Variants in ASB5 observed in about 807,000 individuals in gnomAD.
ASB5 encodes the protein ankyrin repeat and SOCS box containing 5.
A neutral mutation model predicts 42.1 loss-of-function variants in ASB5; 45 were observed. That is an observed-to-expected ratio of 1.07 (90% CI 0.84 to 1.37). The LOEUF is 1.37. ASB5 is among the 40% of genes most tolerant of loss of function. The probability of loss-of-function intolerance (pLI) is 0.00; values close to 1 mark genes in which losing one functional copy is unlikely to be tolerated. For missense variants in ASB5, 402 were observed against 399.8 expected (o/e 1.01, Z -0.05); for synonymous variants, 147 against 150.6 (o/e 0.98, Z 0.18).
rs755366135 is a variant in ASB5 at position 176,216,389 on chromosome 4, T to C, written c.862+429A>G. On this transcript the variant is annotated intron_variant, in intron 6 of 6. Transcript: ENST00000296525. ...TTTTTTTAGATGGAGTCTCACTCTG[T>C]TGCCAGGTTGGAGTGCAGTGGCGTA... Among the ~76,000 whole-genome samples, 42 of 152,302 alleles carry C rather than the reference T, an allele frequency of 2.8e-4. 2 individuals are homozygous for C. In the Middle Eastern group the frequency reaches 0.01, roughly 37 times the overall value.
In ASB5 at chr4:176,267,141, T is replaced by A. The variant is rs79378539; in HGVS notation, c.196+1772A>T. Among the ~76,000 whole-genome samples the A allele has an allele frequency of 0.025, 3,852 of 152,320 alleles. 269 individuals carry two copies. The East Asian group carries it at 0.28, about 11-fold the overall frequency. The stretch of plus-strand genomic sequence containing the variant: ...GACAAGATCTGATTATGAAGTAATG[T>A]GCTACAGGCCGCCCATGAGGGTAAA... On this transcript the variant is annotated intron_variant, in intron 1 of 6. Coordinates refer to ENST00000296525, the MANE Select transcript of ASB5 (RefSeq NM_080874.4).
In ASB5 at chr4:176,269,149, G is replaced by C. The variant is rs1754423182; in HGVS notation, c.-41C>G. On this transcript the variant is annotated 5_prime_UTR_variant, in exon 1 of 7. Transcript: ENST00000296525. Reference sequence around the variant, plus strand: ...TGCGGCGGTCTTTAGTTGGATCCAAGTCTCAAATGTGCCTGGCTCTCGTCC... The same window carrying C: ...TGCGGCGGTCTTTAGTTGGATCCAACTCTCAAATGTGCCTGGCTCTCGTCC... The C allele has an allele frequency of 6.4e-7, 1 of 1,571,650 alleles. No homozygotes were observed. The highest frequency in any genetic ancestry group is 2.3e-5 in the East Asian group (1 of 43,896).
At chr4:176,218,778 G>A (rs1424211873) in intron 5 of ASB5, among the ~76,000 whole-genome samples, 1 of 34,082 alleles carries the variant, frequency 2.9e-5, no homozygotes, top group Non-Finnish European at 5.3e-5. Context: ...ATATATATTT[G>A]TATGATATAT....
At chr4:176,245,550 T>C (rs1753894802) in intron 1 of ASB5, among the ~76,000 whole-genome samples, 1 of 152,198 alleles carries the variant, frequency 6.6e-6, no homozygotes, top group African/African-American at 2.4e-5. Context: ...TTACTGGGTA[T>C]ATACCCAAAG....
intron 1 of ASB5, chr4:176,241,357 G>GA (rs145396523): frequency 5.0e-5 from 45 of 900,088 alleles, no homozygotes; most frequent in South Asian, 9.9e-5. Flanking sequence ...CCCATCCTTA[G>GA]AAAAAAAATG....
intron 1 of ASB5, 35 bp downstream of exon 1, chr4:176,268,878 C>A: frequency 1.4e-6 from 2 of 1,471,888 alleles, no homozygotes; most frequent in South Asian, 1.4e-5. Flanking sequence ...AAGTTAAACT[C>A]CACTTGAAAC....
intron 1 of ASB5, among the ~76,000 whole-genome samples, chr4:176,233,291 G>T (rs542015475): frequency 1.8e-4 from 27 of 152,142 alleles, no homozygotes; most frequent in Non-Finnish European, 3.5e-4. Flanking sequence ...GACAAAAATA[G>T]ATATTGTCAA....
chr4:176,216,846 C>T lies in ASB5; in HGVS notation c.834G>A (p.Met278Ile). 6.2e-7 allele frequency: 1 copy of T among 1,603,108 alleles called. No individual in the cohort carries two copies. Among genetic ancestry groups the T allele is most frequent in the Middle Eastern group, 1.7e-4 (1 of 5,932 alleles). Residue 278 changes from methionine (M) to isoleucine (I), a missense_variant, in exon 6 of 7, where the codon ATG becomes ATA. Transcript: ENST00000296525. ...CATGTTGAAGCAATATCCTTTCCAC[C>T]ATACTGCTAGACGTAGCTACATCTA... The part of the protein sequence containing the change: ...RPIDVATSSS[M>I]VERILLQHEA...
chr4:176,253,776 T>C (rs1357025880), intron 1 of ASB5, among the ~76,000 whole-genome samples: 1 of 152,178 alleles, frequency 6.6e-6, no homozygotes, highest in African/African-American at 2.4e-5. Context: ...AAGAACACAA[T>C]CTTGATTTAC....
chr4:176,215,590 C>T lies in ASB5; in HGVS notation c.*10G>A. The T allele has an allele frequency of 6.2e-7, 1 of 1,606,726 alleles. No individual in the cohort carries two copies. The highest frequency in any genetic ancestry group is 8.5e-7 in the Non-Finnish European group (1 of 1,176,578). ...TTGATTTTCAAGGTATTTAGAATTA[C>T]TTTACTGTTTTATCGATACTGTAAG... On this transcript the variant is annotated 3_prime_UTR_variant, in exon 7 of 7. Transcript: ENST00000296525.
chr4:176,249,886 A>C (rs1579328921), intron 1 of ASB5, among the ~76,000 whole-genome samples: 1 of 151,198 alleles, frequency 6.6e-6, no homozygotes, highest in South Asian at 2.1e-4. Context: ...TAACACAGTG[A>C]AACCCCGTCT....
chr4:176,270,385 C>T (rs918039336), upstream of ASB5, among the ~76,000 whole-genome samples: 7 of 152,166 alleles, frequency 4.6e-5, no homozygotes, highest in Non-Finnish European at 7.4e-5. Context: ...TTCTCTCCCT[C>T]GGTGTATCCA....
intron 5 of ASB5, among the ~76,000 whole-genome samples, chr4:176,220,855 T>C (rs1753183708): frequency 6.6e-6 from 1 of 152,190 alleles, no homozygotes; most frequent in Non-Finnish European, 1.5e-5. Context: ...AATTTTATGA[T>C]AAAAGTAGAG....
At chr4:176,235,603 TG>T (rs1221340538) in intron 1 of ASB5, among the ~76,000 whole-genome samples, 4 of 152,182 alleles carry the variant, frequency 2.6e-5, no homozygotes, top group Admixed American at 6.5e-5. Flanking sequence ...GATGTTTAGG[TG>T]GCTTTTAGTT....
chr4:176,249,677 G>A (rs1753985045), intron 1 of ASB5: 1 of 152,222 alleles, frequency 6.6e-6, no homozygotes, highest in South Asian at 2.1e-4. Flanking sequence ...TTGGTGGAGA[G>A]GATGAGAAAA....
At chr4:176,220,330 G>A (rs901748840) in intron 5 of ASB5, among the ~76,000 whole-genome samples, 2 of 152,280 alleles carry the variant, frequency 1.3e-5, no homozygotes, top group East Asian at 1.9e-4. Context: ...CTAAGATAAT[G>A]TGAGTAGTGC....
chr4:176,233,777 A>G (rs1243490810), intron 1 of ASB5, among the ~76,000 whole-genome samples: 5 of 152,102 alleles, frequency 3.3e-5, no homozygotes. Context: ...TATTATCCAC[A>G]TATTGATTAC....
Position 176,221,308 on chromosome 4 carries a change from G to A in ASB5, c.536-19C>T, listed in dbSNP as rs750657946. On this transcript the variant is annotated intron_variant, in intron 4 of 6. Transcript: ENST00000296525. ...TGGTGACCTGCCAACACAAAGTAGAGGAGTTTAACTTAATGCCCATCCACC... is the reference window on the plus strand; with the variant it reads ...TGGTGACCTGCCAACACAAAGTAGAAGAGTTTAACTTAATGCCCATCCACC... 1 of 1,612,932 alleles carries A rather than the reference G, an allele frequency of 6.2e-7. No homozygotes were observed.
At chr4:176,252,674 ACT>A (rs1283699219) in intron 1 of ASB5, among the ~76,000 whole-genome samples, 4 of 152,208 alleles carry the variant, frequency 2.6e-5, no homozygotes, top group Admixed American at 2.6e-4. Context: ...TGGTACAAAG[ACT>A]CTGAAAGACA....
Sources: gnomAD v4.1 joint callset for allele counts (sites outside exome capture counted in the v4.1 genomes callset) on GRCh38, gnomAD v4.1.1 for gene constraint, MANE v1.5 for transcripts, NCBI Gene and HGNC (gene_info 2026-07-23, HGNC 2026-07-21) for gene names.